Variants in SYNPO2 observed in about 807,000 individuals in gnomAD.
The protein encoded by SYNPO2 is synaptopodin 2.
A neutral mutation model predicts 85.0 loss-of-function variants in SYNPO2; 56 were observed. That is an observed-to-expected ratio of 0.66 (90% confidence interval 0.53 to 0.82). The LOEUF (loss-of-function observed/expected upper bound fraction) is 0.82. SYNPO2 is among the 40% of genes least tolerant of loss of function. SYNPO2 has a pLI of 0.00. For synonymous variants in SYNPO2, 602 were observed against 591.1 expected, an observed-to-expected ratio of 1.02 and a Z score of -0.27; for missense variants, 1,575 against 1,534.2, an observed-to-expected ratio of 1.03 and a Z score of -0.44.
chr4:119,042,070 C>T (rs533229117), intron 4 of SYNPO2: 1 of 134,432 alleles, frequency 7.4e-6, no homozygotes, highest in Admixed American at 8.0e-5. Flanking sequence ...CTTCCACAGT[C>T]TTAGTGCCCC....
At chr4:119,053,437 T>C (rs999074108) in intron 4 of SYNPO2, among the ~76,000 whole-genome samples, 6 of 152,244 alleles carry the variant, frequency 3.9e-5, no homozygotes, top group Non-Finnish European at 8.8e-5. Flanking sequence ...TTCGTCAGTC[T>C]GGGGAAATGT....
intron 1 of SYNPO2, among the ~76,000 whole-genome samples, chr4:118,876,141 G>A (rs1262022475): frequency 6.6e-6 from 1 of 152,212 alleles, no homozygotes; most frequent in African/African-American, 2.4e-5. Context: ...AAGGGATTCT[G>A]AAAGTGAGGG....
chr4:118,980,836 C>T (rs1204094243), intron 1 of SYNPO2, among the ~76,000 whole-genome samples: 1 of 151,986 alleles, frequency 6.6e-6, no homozygotes, highest in African/African-American at 2.4e-5. Context: ...GCATGTGTGG[C>T]ATGCCATCTG....
intron 1 of SYNPO2, among the ~76,000 whole-genome samples, chr4:119,021,521 A>AG (rs1737719960): frequency 6.6e-6 from 1 of 152,214 alleles, no homozygotes; most frequent in Non-Finnish European, 1.5e-5. Flanking sequence ...GTATTCTTAA[A>AG]TTTGAGACTG....
Position 119,031,573 on chromosome 4 carries a change from A to C in SYNPO2, c.2798A>C (p.Tyr933Ser). The change falls in exon 4 of 5, where the codon TAC becomes TCC. Residue 933 changes from tyrosine (Y) to serine (S), a missense_variant. Transcript: ENST00000307142. ...VAYNPIHSPS[Y>S]PLAALKSQPS... The stretch of plus-strand genomic sequence containing the variant: ...TATAATCCTATCCACTCGCCGTCTT[A>C]CCCACTGGCTGCTCTCAAGTCTCAG... 12 of 1,614,060 alleles carry C rather than the reference A, an allele frequency of 7.4e-6. No homozygotes were observed. Among genetic ancestry groups the C allele is most frequent in the African/African-American group, 1.3e-5 (1 of 74,984 alleles).
chr4:118,993,119 A>T (rs895798651), intron 1 of SYNPO2, among the ~76,000 whole-genome samples: 2 of 152,234 alleles, frequency 1.3e-5, no homozygotes, highest in Non-Finnish European at 2.9e-5. Flanking sequence ...AAAGCAGCAT[A>T]AGAGAATTAC....
chr4:119,037,130 A>T (rs551617382), intron 4 of SYNPO2: 1 of 1,541,642 alleles, frequency 6.5e-7, no homozygotes, highest in South Asian at 1.2e-5. Flanking sequence ...TAAATCTGGG[A>T]TCCATAGTCA....
chr4:119,002,799 G>A (rs1413451489), intron 1 of SYNPO2, among the ~76,000 whole-genome samples: 1 of 151,972 alleles, frequency 6.6e-6, no homozygotes, highest in Non-Finnish European at 1.5e-5. Context: ...GGGTATATTT[G>A]ATACCATCTT....
chr4:119,031,613 GC>G lies in SYNPO2; in HGVS notation c.2841del (p.Ser948ProfsTer15). The G allele has an allele frequency of 6.2e-7, 1 of 1,614,128 alleles. No homozygotes were observed. The highest frequency in any genetic ancestry group is 8.5e-7 in the Non-Finnish European group (1 of 1,180,020). ...TCAAGTCTCAGCCATCAGCTGCACA[GC>G]CCTCCAAAATGGGCAAGAAAAAGGG... ...ALKSQPSAAQ[P>X]SKMGKKKGKK... On this transcript the variant is annotated frameshift_variant, in exon 4 of 5. Coordinates refer to ENST00000307142, the MANE Select transcript of SYNPO2 (RefSeq NM_133477.3). LOFTEE classifies it high-confidence loss of function.
intron 1 of SYNPO2, among the ~76,000 whole-genome samples, chr4:118,996,231 C>G (rs1346137637): frequency 6.6e-6 from 1 of 152,160 alleles, no homozygotes; most frequent in Non-Finnish European, 1.5e-5. Flanking sequence ...GCTTTGAAAT[C>G]TCCTCCCCTT....
chr4:118,891,755 C>T (rs1275356345), intron 1 of SYNPO2, among the ~76,000 whole-genome samples: 1 of 152,144 alleles, frequency 6.6e-6, no homozygotes, highest in Non-Finnish European at 1.5e-5. Context: ...GACAGAAAGG[C>T]TAGAGAGATG....
At chr4:119,014,355 A>G (rs1289928832) in intron 1 of SYNPO2, among the ~76,000 whole-genome samples, 1 of 152,198 alleles carries the variant, frequency 6.6e-6, no homozygotes, top group Non-Finnish European at 1.5e-5. Context: ...CGGAGGTTGC[A>G]GCGAGCCAAG....
intron 4 of SYNPO2, among the ~76,000 whole-genome samples, chr4:119,040,969 G>C (rs189452453): frequency 7.9e-5 from 12 of 152,272 alleles, no homozygotes; most frequent in Non-Finnish European, 1.0e-4. Context: ...GTGAAACCTC[G>C]GCCTGAACAG....
intron 1 of SYNPO2, among the ~76,000 whole-genome samples, chr4:119,016,078 G>C (rs1450614000): frequency 6.6e-6 from 1 of 152,200 alleles, no homozygotes; most frequent in African/African-American, 2.4e-5. Context: ...AGAAGTTTTA[G>C]TGAACTTTAT....
chr4:118,906,051 A>G (rs928814644), intron 1 of SYNPO2, among the ~76,000 whole-genome samples: 4 of 152,188 alleles, frequency 2.6e-5, no homozygotes, highest in African/African-American at 4.8e-5. Flanking sequence ...TTCAAGATGA[A>G]TGATTAACAT....
At chr4:119,016,105 A>G (rs1737515943) in intron 1 of SYNPO2, among the ~76,000 whole-genome samples, 1 of 152,172 alleles carries the variant, frequency 6.6e-6, no homozygotes, top group South Asian at 2.1e-4. Context: ...CTGTATTTTG[A>G]CCATTCAAAA....
chr4:119,014,940 C>T (rs1273259138), intron 1 of SYNPO2, among the ~76,000 whole-genome samples: 1 of 152,094 alleles, frequency 6.6e-6, no homozygotes, highest in Non-Finnish European at 1.5e-5. Context: ...CTGTCTTTTC[C>T]CCCAGTACCC....
intron 1 of SYNPO2, among the ~76,000 whole-genome samples, chr4:118,984,515 T>C (rs956668282): frequency 2.6e-5 from 4 of 152,336 alleles, no homozygotes; most frequent in Non-Finnish European, 5.9e-5. Context: ...GTCTGCCCTC[T>C]GACACACTCC....
chr4:118,952,935 T>A (rs77915478), intron 1 of SYNPO2, among the ~76,000 whole-genome samples: 4,915 of 152,276 alleles, frequency 0.032, 141 homozygotes, highest in East Asian at 0.14. Flanking sequence ...AGATAATTTT[T>A]AAAAAATTAT....
Sources: allele counts gnomAD v4.1 joint callset (sites outside exome capture counted in the v4.1 genomes callset), GRCh38; gene constraint gnomAD v4.1.1; transcripts MANE v1.5; gene names NCBI Gene and HGNC (gene_info 2026-07-23, HGNC 2026-07-21).